Variants in ANO4 observed in about 807,000 individuals in gnomAD.
ANO4 encodes anoctamin 4.
ANO4 carries 69 observed loss-of-function variants against 141.9 expected under a neutral mutation model. That is an observed-to-expected ratio of 0.49 (90% confidence interval 0.40 to 0.59). The LOEUF (loss-of-function observed/expected upper bound fraction) is 0.59. Ranked by LOEUF, ANO4 falls within the 20% of genes least tolerant of loss-of-function variation. The pLI is 0.00. For missense variants in ANO4, 894 were observed against 1,162.2 expected, an observed-to-expected ratio of 0.77 and a Z score of 3.36; for synonymous variants, 350 against 394.3, an observed-to-expected ratio of 0.89 and a Z score of 1.33.
At chr12:101,028,274 C>T (rs1231387996) in intron 9 of ANO4, among the ~76,000 whole-genome samples, 1 of 152,064 alleles carries the variant, frequency 6.6e-6, no homozygotes, top group Non-Finnish European at 1.5e-5. Flanking sequence ...TTTCTCTTCC[C>T]CTCCAAATGA....
intron 2 of ANO4, among the ~76,000 whole-genome samples, chr12:100,908,626 A>T (rs868471932): frequency 1.3e-5 from 2 of 152,350 alleles, no homozygotes; most frequent in East Asian, 1.9e-4. Flanking sequence ...GGACAAATGC[A>T]TCATAGTTCT....
intron 7 of ANO4, 104 bp from the exon 8 acceptor site, chr12:100,987,435 G>A: frequency 7.1e-7 from 1 of 1,406,536 alleles, no homozygotes. Flanking sequence ...AGAGGGCCTG[G>A]AATGTGTGGT....
chr12:100,998,899 A>C (rs909144771), intron 8 of ANO4, among the ~76,000 whole-genome samples: 5 of 152,214 alleles, frequency 3.3e-5, no homozygotes, highest in Non-Finnish European at 7.3e-5. Flanking sequence ...GTGGGTTCCA[A>C]GTACTTCACG....
intron 1 of ANO4, among the ~76,000 whole-genome samples, chr12:100,837,142 A>C (rs2036969278): frequency 6.6e-6 from 1 of 152,124 alleles, no homozygotes; most frequent in African/African-American, 2.4e-5. Flanking sequence ...AATAACAATA[A>C]ATGAAATGCT....
intron 3 of ANO4, among the ~76,000 whole-genome samples, chr12:100,935,716 G>C (rs10860664): frequency 7.9e-5 from 12 of 152,020 alleles, no homozygotes; most frequent in Admixed American, 1.3e-4. Flanking sequence ...CTTCAGCCCC[G>C]GTTCCTAGCT....
At position 101,099,673 on chromosome 12, in the gene ANO4, T is replaced by C. The variant is rs1566247539; in HGVS notation, c.2102T>C (p.Leu701Pro). The C allele has an allele frequency of 2.5e-6, 4 of 1,610,806 alleles. No homozygotes were observed. Among genetic ancestry groups the C allele is most frequent in the Non-Finnish European group, 8.5e-7 (1 of 1,179,046 alleles). The change falls in exon 22 of 28, where the codon CTT becomes CCT. Residue 701 changes from leucine to proline, a missense_variant. Transcript: ENST00000392977. ...SFPQWEKDYN[L>P]QPMNAYGLFD... ...CCACAATGGGAAAAGGACTATAACC[T>C]TCAGCCGATGAATGCCTATGGACTC...
intron 1 of ANO4, among the ~76,000 whole-genome samples, chr12:100,817,792 T>C (rs976670041): frequency 6.6e-6 from 1 of 151,974 alleles, no homozygotes; most frequent in African/African-American, 2.4e-5. Context: ...ATATGATACA[T>C]GCATTTCTTG....
chr12:100,757,750 A>G (rs1318309577), intron 3 of ANO4, among the ~76,000 whole-genome samples: 1 of 152,212 alleles, frequency 6.6e-6, no homozygotes, highest in East Asian at 1.9e-4. Flanking sequence ...GAACAGTACC[A>G]ACTTTCACAC....
At chr12:100,935,081 A>C (rs2042230166) in intron 3 of ANO4, among the ~76,000 whole-genome samples, 1 of 152,108 alleles carries the variant, frequency 6.6e-6, no homozygotes, top group African/African-American at 2.4e-5. Context: ...AATATCCTTT[A>C]TTTCTTTCTC....
intron 14 of ANO4, chr12:101,068,332 G>A (rs1369017800): frequency 3.3e-6 from 4 of 1,200,834 alleles, no homozygotes; most frequent in Non-Finnish European, 4.9e-6. Flanking sequence ...GTCCTTGAGA[G>A]AAGATGCAGA....
intron 1 of ANO4, among the ~76,000 whole-genome samples, chr12:100,831,939 T>C (rs1381541737): frequency 6.6e-6 from 1 of 152,134 alleles, no homozygotes; most frequent in African/African-American, 2.4e-5. Context: ...TATTGATTGT[T>C]AATATTTATT....
chr12:100,747,431 A>T (rs1345473570), intron 3 of ANO4, among the ~76,000 whole-genome samples: 1 of 152,006 alleles, frequency 6.6e-6, no homozygotes. Context: ...CATGAATCAA[A>T]CCTCCTCTGT....
At chr12:100,956,981 A>T (rs1033299095) in intron 5 of ANO4, among the ~76,000 whole-genome samples, 1 of 152,340 alleles carries the variant, frequency 6.6e-6, no homozygotes, top group Non-Finnish European at 1.5e-5. Context: ...ATGCCTTTTT[A>T]AAATTAACTC....
intron 8 of ANO4, among the ~76,000 whole-genome samples, chr12:101,011,389 T>A (rs1267802347): frequency 1.3e-5 from 2 of 150,298 alleles, no homozygotes; most frequent in Non-Finnish European, 3.0e-5. Flanking sequence ...TTTTTCCATA[T>A]AGAAAATATT....
At chr12:100,765,667 C>T (rs1249724320) in intron 3 of ANO4, among the ~76,000 whole-genome samples, 10 of 148,584 alleles carry the variant, frequency 6.7e-5, no homozygotes, top group African/African-American at 2.0e-4. Context: ...TGAGCTACCA[C>T]GCCTGGCCTT....
chr12:101,110,399 TC>T lies in ANO4; in HGVS notation c.2150-4del. 1 of 1,600,460 alleles carries T rather than the reference TC, an allele frequency of 6.2e-7. No individual in the cohort carries two copies. ...CTCTGCTCTTTTTCCTTTTTTCTTT[TC>T]TAGTTCTTCAGTTTGGATTCACAAC... On this transcript the variant is annotated splice_region_variant and splice_polypyrimidine_tract_variant and intron_variant, in intron 22 of 27. Coordinates refer to ENST00000392977, the MANE Select transcript of ANO4 (RefSeq NM_001286615.2).
intron 17 of ANO4, among the ~76,000 whole-genome samples, chr12:101,088,948 G>A (rs370429537): frequency 4.6e-5 from 7 of 152,108 alleles, no homozygotes; most frequent in African/African-American, 1.7e-4. Context: ...GTAAAACAAT[G>A]TACATAGAGT....
Position 101,077,199 on chromosome 12 carries a change from A to G in ANO4, c.1313-1994A>G, listed in dbSNP as rs1431582372. 2.6e-5 allele frequency among the ~76,000 whole-genome samples: 4 copies of G among 152,338 alleles called. No individual in the cohort carries two copies. The East Asian group carries it at 7.7e-4, about 29-fold the overall frequency. On this transcript the variant is annotated intron_variant, in intron 14 of 27. Coordinates refer to ENST00000392977, the MANE Select transcript of ANO4 (RefSeq NM_001286615.2). ...GAGTTTCTAACGAGCTTGCCTGTCA[A>G]ACAGCATTTCACATGTGTTGTCACA... is the stretch of plus-strand genomic sequence containing the variant.
At chr12:100,830,007 T>C (rs2135769065) in intron 1 of ANO4, among the ~76,000 whole-genome samples, 1 of 152,200 alleles carries the variant, frequency 6.6e-6, no homozygotes, top group African/African-American at 2.4e-5. Flanking sequence ...TTGTGTGATC[T>C]TGAACAAGTC....
Sources: gnomAD v4.1 joint callset for allele counts (sites outside exome capture counted in the v4.1 genomes callset) on GRCh38, gnomAD v4.1.1 for gene constraint, MANE v1.5 for transcripts, NCBI Gene and HGNC (gene_info 2026-07-23, HGNC 2026-07-21) for gene names.